Variants in STOX2 observed in about 807,000 individuals in gnomAD.
STOX2 encodes storkhead box 2, also known as storkhead-box protein 2.
STOX2 carries 28 observed loss-of-function variants against 60.9 expected under a neutral mutation model. The observed-to-expected ratio is 0.46, with a 90% CI of 0.34 to 0.63. The LOEUF (loss-of-function observed/expected upper bound fraction) is 0.63, where lower values mean the gene tolerates loss of function less well. Among genes scored for constraint, STOX2 ranks in the 30% least tolerant of loss-of-function variants. The probability of loss-of-function intolerance (pLI) is 0.01; values close to 1 mark genes in which losing one functional copy is unlikely to be tolerated. For synonymous variants in STOX2, 472 were observed against 463.9 expected, an observed-to-expected ratio of 1.02 and a Z score of -0.22; for missense variants, 1,024 against 1,187.7, an observed-to-expected ratio of 0.86 and a Z score of 2.03.
intron 1 of STOX2, among the ~76,000 whole-genome samples, chr4:183,830,015 C>A (rs761306192): frequency 6.6e-6 from 1 of 152,110 alleles, no homozygotes; most frequent in African/African-American, 2.4e-5. Context: ...GTAGAATCGG[C>A]GAATCCTTTA....
At chr4:183,916,900 CT>C (rs1741947278) in intron 1 of STOX2, among the ~76,000 whole-genome samples, 1 of 152,206 alleles carries the variant, frequency 6.6e-6, no homozygotes, top group Non-Finnish European at 1.5e-5. Context: ...GAGTTTAGAA[CT>C]TAGTTCCTTG....
At chr4:183,905,064 T>C (rs117286139), upstream of STOX2, among the ~76,000 whole-genome samples, 56 of 152,372 alleles carry the variant, frequency 3.7e-4, no homozygotes, top group Non-Finnish European at 6.6e-4. Context: ...ATTTTTGTCG[T>C]TGTTTACTGT....
intron 1 of STOX2, among the ~76,000 whole-genome samples, chr4:183,919,461 A>G (rs1264476006): frequency 6.6e-6 from 1 of 152,130 alleles, no homozygotes; most frequent in Non-Finnish European, 1.5e-5. Context: ...TAAGCTCGGC[A>G]GTGGCTCAGG....
chr4:183,921,717 A>G (rs909736687), intron 1 of STOX2, among the ~76,000 whole-genome samples: 5 of 152,274 alleles, frequency 3.3e-5, no homozygotes, highest in African/African-American at 1.2e-4. Flanking sequence ...GAACAGTCAC[A>G]AAGCTTTATG....
At chr4:183,873,281 C>G (rs1740736512) in intron 1 of STOX2, among the ~76,000 whole-genome samples, 1 of 152,068 alleles carries the variant, frequency 6.6e-6, no homozygotes, top group Non-Finnish European at 1.5e-5. Flanking sequence ...AACGCCGTCT[C>G]TACTAAAATG....
rs58918069 is a variant in STOX2, at chr4:183,989,559, C to T, written c.167-11766C>T. 3.2e-3 allele frequency among the ~76,000 whole-genome samples: 490 copies of T among 152,220 alleles called. 2 individuals carry two copies. Among genetic ancestry groups the T allele is most frequent in the African/African-American group, 0.011 (453 of 41,520 alleles). On this transcript the variant is annotated intron_variant, in intron 1 of 3. Transcript: ENST00000308497. ...GCCCGAAATTTTGCATACTGTTTGGCCTGTTAACCTACATGCAATGCACTA... is the reference window on the plus strand; with the variant it reads ...GCCCGAAATTTTGCATACTGTTTGGTCTGTTAACCTACATGCAATGCACTA...
At position 183,906,907 on chromosome 4, in the gene STOX2, T is replaced by C. The variant is rs933949210; in HGVS notation, c.117T>C (p.Arg39=). 5 of 1,549,914 alleles carry C rather than the reference T, an allele frequency of 3.2e-6. No individual in the cohort carries two copies. Among genetic ancestry groups the C allele is most frequent in the Non-Finnish European group, 4.4e-6 (5 of 1,145,990 alleles). The change falls in exon 1 of 4, where the codon CGT becomes CGC. Residue 39 remains arginine (R), a synonymous_variant. Transcript: ENST00000308497. ...RSEKDYRLHK[R]FPAAFAPQAS... ...AGAAGGACTACCGCCTGCACAAGCG[T>C]TTCCCCGCGGCCTTCGCGCCCCAGG...
Position 183,906,774 on chromosome 4 carries a change from A to G in STOX2, c.-17A>G. The G allele has an allele frequency of 2.7e-6, 4 of 1,507,142 alleles. No homozygotes were observed. Among genetic ancestry groups the G allele is most frequent in the Non-Finnish European group, 3.6e-6 (4 of 1,122,000 alleles). The allele number at this position is 1,507,142 out of a possible 1,614,324, so 93.4% of individuals were successfully genotyped here. A position where few individuals can be genotyped will look rare whatever the true frequency, so the allele number is the denominator to read the frequency against. On this transcript the variant is annotated 5_prime_UTR_variant, in exon 1 of 4. Coordinates refer to ENST00000308497, the MANE Select transcript of STOX2 (RefSeq NM_020225.3). Reference sequence around the variant, plus strand: ...CTGAGGCCCCGAGGATCGGGGCGGCAGGTCGCCCTCCCCACCATGAAGAAG... The same window carrying G: ...CTGAGGCCCCGAGGATCGGGGCGGCGGGTCGCCCTCCCCACCATGAAGAAG...
rs1327372821 is a variant in STOX2 at position 183,856,765 on chromosome 4, T to C, written c.364+58710T>C. 2.0e-5 allele frequency among the ~76,000 whole-genome samples: 3 copies of C among 152,226 alleles called. No individual in the cohort carries two copies. Among genetic ancestry groups the C allele is most frequent in the Non-Finnish European group, 4.4e-5 (3 of 68,034 alleles). ...GAAAGTGCTACTTTAAAAATAGTCT[T>C]TTTTCAGTAGTGTCTGTTTAATAGT... On this transcript the variant is annotated intron_variant, in intron 1 of 2. Transcript: ENST00000513034. The surrounding 1 kb of genome is among the most constrained non-coding windows in gnomAD (Gnocchi z 4.0).
intron 1 of STOX2, among the ~76,000 whole-genome samples, chr4:183,989,323 C>T (rs1374893505): frequency 2.0e-5 from 3 of 152,026 alleles, no homozygotes; most frequent in Non-Finnish European, 4.4e-5. Context: ...CTGCCTCAGC[C>T]TCTTGAGTAG....
intron 1 of STOX2, among the ~76,000 whole-genome samples, chr4:183,966,281 G>A (rs914271386): frequency 1.3e-5 from 2 of 152,176 alleles, no homozygotes; most frequent in African/African-American, 2.4e-5. Flanking sequence ...TCTTTTAGAC[G>A]CCAGCAGAGG....
At chr4:183,843,165 A>AAAAAG (rs1739907794) in intron 1 of STOX2, among the ~76,000 whole-genome samples, 1 of 149,220 alleles carries the variant, frequency 6.7e-6, no homozygotes, top group African/African-American at 2.5e-5. Flanking sequence ...AAAAAAAAAG[A>AAAAAG]AAAAGAAAAA....
chr4:183,996,341 C>T (rs549476158), intron 1 of STOX2, among the ~76,000 whole-genome samples: 8 of 152,288 alleles, frequency 5.3e-5, no homozygotes, highest in African/African-American at 7.2e-5. Flanking sequence ...GATGAGTTGT[C>T]GTTATGAATG....
At chr4:183,859,895 A>G (rs994291739) in intron 1 of STOX2, among the ~76,000 whole-genome samples, 10 of 145,034 alleles carry the variant, frequency 6.9e-5, no homozygotes, top group African/African-American at 2.5e-4. Flanking sequence ...GGATTTGTTC[A>G]TGTCAGTTGC....
chr4:183,850,270 G>A (rs922111473), intron 1 of STOX2, among the ~76,000 whole-genome samples: 2 of 151,368 alleles, frequency 1.3e-5, no homozygotes, highest in Non-Finnish European at 2.9e-5. Flanking sequence ...ACCACACCCA[G>A]CCTGCATTTT....
At chr4:183,973,764 G>A (rs931006735) in intron 1 of STOX2, among the ~76,000 whole-genome samples, 3 of 152,224 alleles carry the variant, frequency 2.0e-5, no homozygotes, top group African/African-American at 7.2e-5. Flanking sequence ...GGGAGGCCGA[G>A]GTGGGTGGAT....
Position 183,844,062 on chromosome 4 carries a change from A to G in STOX2, c.364+46007A>G, listed in dbSNP as rs144163047. ...CGAATTTCTAATCTTTTTAAAAGCA[A>G]TCTAATAATTGTTTCTTAAAAAAAC... On this transcript the variant is annotated intron_variant, in intron 1 of 2. Transcript: ENST00000513034. 4.7e-4 allele frequency among the ~76,000 whole-genome samples: 72 copies of G among 152,336 alleles called. 1 individual carries two copies. In the East Asian group the frequency reaches 7.3e-3, roughly 15 times the overall value.
intron 1 of STOX2, among the ~76,000 whole-genome samples, chr4:183,908,559 G>C (rs1019781951): frequency 7.3e-6 from 1 of 137,674 alleles, no homozygotes; most frequent in South Asian, 2.3e-4. Flanking sequence ...GCAACACTCT[G>C]TTTCATGATT....
chr4:183,951,452 T>TTTC (rs1448487826), intron 1 of STOX2, among the ~76,000 whole-genome samples: 1 of 141,388 alleles, frequency 7.1e-6, no homozygotes, highest in East Asian at 2.1e-4. Flanking sequence ...CTCTTTTTTT[T>TTTC]TTTTTTTTTT....
Sources: allele counts gnomAD v4.1 joint callset (sites outside exome capture counted in the v4.1 genomes callset), GRCh38; gene constraint gnomAD v4.1.1; non-coding constraint Gnocchi (gnomAD v3.1); transcripts MANE v1.5; gene names NCBI Gene and HGNC (gene_info 2026-07-23, HGNC 2026-07-21).